C5orf34: variants seen among roughly 807,000 people sequenced by gnomAD.
The protein encoded by C5orf34 is uncharacterized protein C5orf34.
In C5orf34, 73 loss-of-function variants were observed where a neutral mutation model predicts 78.4. The observed-to-expected ratio is 0.93, with a 90% CI of 0.77 to 1.13. C5orf34 has a LOEUF of 1.13. Ranked by LOEUF, C5orf34 falls within the 50% of genes most tolerant of loss-of-function variation. C5orf34 has a pLI of 0.00. For synonymous variants in C5orf34, 251 were observed against 246.6 expected, an observed-to-expected ratio of 1.02 and a Z score of -0.17; for missense variants, 730 against 732.7, an observed-to-expected ratio of 1.00 and a Z score of 0.04.
chr5:43,498,582 A>T (rs555190053), intron 6 of C5orf34, among the ~76,000 whole-genome samples: 2 of 151,966 alleles, frequency 1.3e-5, no homozygotes, highest in East Asian at 3.9e-4. Context: ...ATCCCTTTCA[A>T]CTCCTTCCTC....
chr5:43,489,944 C>T (rs937555224), intron 11 of C5orf34, among the ~76,000 whole-genome samples: 1 of 152,044 alleles, frequency 6.6e-6, no homozygotes, highest in African/African-American at 2.4e-5. Context: ...TTTCTAATTC[C>T]ATCAGGTCTG....
At chr5:43,495,189 C>T (rs1023773223) in intron 6 of C5orf34, 1 of 1,611,324 alleles carries the variant, frequency 6.2e-7, no homozygotes, top group African/African-American at 1.3e-5. Context: ...TCACGAACAG[C>T]AAAATGACCC....
chr5:43,511,207 G>A (rs535089821), intron 1 of C5orf34: 257 of 173,434 alleles, frequency 1.5e-3, no homozygotes, highest in African/African-American at 5.9e-3. Context: ...CTGCCCGGCA[G>A]CCGACCCGTC....
intron 11 of C5orf34, among the ~76,000 whole-genome samples, chr5:43,489,952 C>G (rs1344465504): frequency 6.6e-6 from 1 of 152,064 alleles, no homozygotes; most frequent in Admixed American, 6.5e-5. Context: ...TCCATCAGGT[C>G]TGAACTCCTA....
chr5:43,513,753 T>C (rs552441608), intron 1 of C5orf34, among the ~76,000 whole-genome samples: 2 of 152,326 alleles, frequency 1.3e-5, no homozygotes, highest in Non-Finnish European at 2.9e-5. Flanking sequence ...ATCATCAAGG[T>C]TTCAGCACAA....
At chr5:43,493,650 T>C in intron 7 of C5orf34, 38 bp from the exon 8 acceptor site, 1 of 1,259,216 alleles carries the variant, frequency 7.9e-7, no homozygotes, top group Non-Finnish European at 1.1e-6. Flanking sequence ...CATTTGCAAA[T>C]GACATTTTCC....
chr5:43,505,592 A>T, intron 4 of C5orf34, 156 bp downstream of exon 4: 1 of 656,474 alleles, frequency 1.5e-6, no homozygotes, highest in Non-Finnish European at 2.5e-6. Flanking sequence ...AACATAAGCA[A>T]CACATTTGCT....
At position 43,487,097 on chromosome 5, in the gene C5orf34, T is replaced by C; in HGVS notation, c.1735A>G (p.Ser579Gly). 1 of 1,529,238 alleles carries C rather than the reference T, an allele frequency of 6.5e-7. No individual in the cohort carries two copies. The highest frequency in any genetic ancestry group is 8.8e-7 in the Non-Finnish European group (1 of 1,139,370). 94.7% of individuals were successfully genotyped at this position (1,529,238 alleles called of 1,614,324 possible). The change falls in exon 13 of 13, where the codon AGT becomes GGT. Residue 579 changes from serine (S) to glycine (G), a missense_variant. Transcript: ENST00000306862. ...TTAGAAATCTGGTTTAGGATACCAC[T>C]ATTTTCTAGTAGCACTAAGTTGCTT... ...IQKFNLLLEN[S>G]GILNQISNKK... is the part of the protein sequence containing the mutation.
chr5:43,496,313 C>T, intron 6 of C5orf34: 1 of 1,584,070 alleles, frequency 6.3e-7, no homozygotes, highest in Non-Finnish European at 8.6e-7. Context: ...TTTCCCATCT[C>T]AGCAGCCTCC....
At chr5:43,507,932 G>C (rs1271094307) in intron 3 of C5orf34, among the ~76,000 whole-genome samples, 1 of 152,126 alleles carries the variant, frequency 6.6e-6, no homozygotes, top group East Asian at 1.9e-4. Context: ...CAAGAAATTA[G>C]CCGGGTGTGG....
chr5:43,507,575 A>T (rs1746039040), intron 3 of C5orf34, among the ~76,000 whole-genome samples: 1 of 152,244 alleles, frequency 6.6e-6, no homozygotes, highest in South Asian at 2.1e-4. Flanking sequence ...TACAACTTAT[A>T]ATTTTTTATG....
chr5:43,514,922 G>A lies in C5orf34; in HGVS notation c.-153C>T, dbSNP rs1476844170. On this transcript the variant is annotated 5_prime_UTR_variant, in exon 1 of 13. Coordinates refer to ENST00000306862, the MANE Select transcript of C5orf34 (RefSeq NM_198566.4). ...CGCCTGCCCACCACTGCTTCTTCAG[G>A]GGTTTCTTCAGTTTGACAAATTACC... The A allele has an allele frequency of 1.3e-5, 2 of 152,052 alleles. No homozygotes were observed. The highest frequency in any genetic ancestry group is 3.2e-3 in the Middle Eastern group (1 of 316). 9.4% of individuals were successfully genotyped at this position (152,052 alleles called of 1,614,324 possible).
Position 43,508,732 on chromosome 5 carries a change from G to C in C5orf34, c.196-66C>G. The C allele has an allele frequency of 3.1e-6, 3 of 983,176 alleles. No homozygotes were observed. The South Asian group carries it at 4.0e-5, about 13-fold the overall frequency. The allele number at this position is 983,176 out of a possible 1,614,324, so 60.9% of individuals were successfully genotyped here. ...ATTTGAAAATCAATTAAAAATGACA[G>C]TACAGTATAATCCATAATACTAATT... On this transcript the variant is annotated intron_variant, in intron 2 of 12. Transcript: ENST00000306862.
intron 6 of C5orf34, chr5:43,496,489 G>A (rs1745530640): frequency 1.3e-5 from 20 of 1,483,142 alleles, no homozygotes; most frequent in African/African-American, 7.1e-5. Context: ...CAACACCTGT[G>A]TTCTGGTGGC....
intron 1 of C5orf34, among the ~76,000 whole-genome samples, chr5:43,510,862 C>A (rs867339092): frequency 2.0e-5 from 3 of 152,256 alleles, no homozygotes; most frequent in African/African-American, 7.2e-5. Context: ...CCGGACGCCA[C>A]CCCATCTGGG....
intron 5 of C5orf34, among the ~76,000 whole-genome samples, chr5:43,503,266 G>A (rs1467164220): frequency 6.6e-6 from 1 of 152,180 alleles, no homozygotes; most frequent in Admixed American, 6.5e-5. Context: ...TGTGAATGAA[G>A]GCTAAAATCT....
chr5:43,510,614 T>A (rs1746193200), intron 1 of C5orf34, among the ~76,000 whole-genome samples: 1 of 152,250 alleles, frequency 6.6e-6, no homozygotes, highest in African/African-American at 2.4e-5. Flanking sequence ...CTGGTTTTCA[T>A]ATTTTTTTGG....
At chr5:43,511,970 T>G (rs906266144) in intron 1 of C5orf34, among the ~76,000 whole-genome samples, 10 of 150,394 alleles carry the variant, frequency 6.6e-5, no homozygotes, top group African/African-American at 2.4e-4. Flanking sequence ...CCCTCCACTA[T>G]TGTCCTATGA....
In C5orf34 at chr5:43,492,232, G is replaced by A; in HGVS notation, c.1563C>T (p.His521=). 2 of 1,610,788 alleles carry A rather than the reference G, an allele frequency of 1.2e-6. No homozygotes were observed. The highest frequency in any genetic ancestry group is 2.2e-5 in the South Asian group (2 of 90,374). Residue 521 remains histidine (H), a synonymous_variant, in exon 10 of 13, where the codon CAC becomes CAT. Coordinates refer to ENST00000306862, the MANE Select transcript of C5orf34 (RefSeq NM_198566.4). ...DGQEQLIQIE[H]PEPYERYVTT... ...TTCAGTACCTTTCATATGGTTCAGGGTGTTCAATCTGAATTAACTGCTCTT... is the reference window on the plus strand; with the variant it reads ...TTCAGTACCTTTCATATGGTTCAGGATGTTCAATCTGAATTAACTGCTCTT...
Sources: gnomAD v4.1 joint callset for allele counts (sites outside exome capture counted in the v4.1 genomes callset) on GRCh38, gnomAD v4.1.1 for gene constraint, MANE v1.5 for transcripts, NCBI Gene and HGNC (gene_info 2026-07-23, HGNC 2026-07-21) for gene names.